The following FBXL17 variants were observed in gnomAD, a reference collection of about 807,000 sequenced individuals.
FBXL17 encodes F-box/LRR-repeat protein 17.
Under a neutral mutation model 66.2 loss-of-function variants are expected in FBXL17, and 22 were observed. The observed-to-expected ratio is 0.33, with a 90% CI of 0.24 to 0.47. The LOEUF (loss-of-function observed/expected upper bound fraction) is 0.47, where lower values mean the gene tolerates loss of function less well. FBXL17 is among the 20% of genes least tolerant of loss of function. The probability of loss-of-function intolerance (pLI) is 1.00; values close to 1 mark genes in which losing one functional copy is unlikely to be tolerated. For synonymous variants in FBXL17, 474 were observed against 400.5 expected (o/e 1.18, Z -2.19); for missense variants, 878 against 948.2 (o/e 0.93, Z 0.97).
At chr5:108,032,903 A>G (rs1017904901) in intron 6 of FBXL17, among the ~76,000 whole-genome samples, 3 of 152,232 alleles carry the variant, frequency 2.0e-5, no homozygotes, top group Non-Finnish European at 4.4e-5. Flanking sequence ...TAACATGTTA[A>G]TGGCAATTAA....
intron 5 of FBXL17, among the ~76,000 whole-genome samples, chr5:108,203,602 A>G (rs1407727388): frequency 6.6e-6 from 1 of 152,286 alleles, no homozygotes; most frequent in African/African-American, 2.4e-5. Flanking sequence ...GAATGAATTT[A>G]AGAACATATT....
At chr5:108,045,653 T>C (rs1014141284) in intron 6 of FBXL17, among the ~76,000 whole-genome samples, 8 of 152,296 alleles carry the variant, frequency 5.3e-5, no homozygotes, top group African/African-American at 1.2e-4. Flanking sequence ...AAATTGTATT[T>C]TGTATTTTCA....
At chr5:108,262,086 A>ATTTT (rs1056144916) in intron 4 of FBXL17, among the ~76,000 whole-genome samples, 20 of 142,164 alleles carry the variant, frequency 1.4e-4, no homozygotes, top group East Asian at 1.0e-3. Flanking sequence ...TTATTTATTT[A>ATTTT]TTTTTTTTGA....
At chr5:108,292,694 C>G (rs1326913383) in intron 4 of FBXL17, among the ~76,000 whole-genome samples, 1 of 152,190 alleles carries the variant, frequency 6.6e-6, no homozygotes, top group Admixed American at 6.5e-5. Context: ...TTACATAGCA[C>G]TTAGAACATC....
intron 4 of FBXL17, among the ~76,000 whole-genome samples, chr5:108,282,311 A>G (rs965125883): frequency 1.3e-5 from 2 of 151,700 alleles, no homozygotes; most frequent in Non-Finnish European, 1.5e-5. Flanking sequence ...TCCAAAAAAT[A>G]TACCATGATC....
intron 6 of FBXL17, among the ~76,000 whole-genome samples, chr5:108,128,778 C>T (rs1234530718): frequency 1.3e-5 from 2 of 152,038 alleles, no homozygotes; most frequent in East Asian, 3.9e-4. Flanking sequence ...AACTGGGAAA[C>T]ACCAGGGAGT....
chr5:108,329,179 T>C (rs1014944113), intron 4 of FBXL17, among the ~76,000 whole-genome samples: 2 of 151,980 alleles, frequency 1.3e-5, no homozygotes, highest in African/African-American at 2.4e-5. Flanking sequence ...AAATAAACCC[T>C]ACAGGAGAAA....
intron 6 of FBXL17, among the ~76,000 whole-genome samples, chr5:108,054,225 A>C (rs1326095345): frequency 6.8e-6 from 1 of 148,066 alleles, no homozygotes; most frequent in Non-Finnish European, 1.5e-5. Context: ...TGTATCCCGG[A>C]ACGTAAAGTA....
intron 6 of FBXL17, among the ~76,000 whole-genome samples, chr5:108,104,733 T>C (rs1377493867): frequency 6.6e-6 from 1 of 152,246 alleles, no homozygotes; most frequent in Non-Finnish European, 1.5e-5. Flanking sequence ...CAACAACATA[T>C]ATGGGATATT....
At chr5:108,131,351 A>G (rs74532042) in intron 6 of FBXL17, among the ~76,000 whole-genome samples, 1,996 of 152,280 alleles carry the variant, frequency 0.013, 41 homozygotes, top group African/African-American at 0.044. Context: ...CAACCAGCCC[A>G]AGAATTCAGT....
intron 4 of FBXL17, among the ~76,000 whole-genome samples, chr5:108,231,483 G>A (rs952256169): frequency 1.3e-5 from 2 of 152,056 alleles, no homozygotes; most frequent in Admixed American, 6.6e-5. Context: ...ATCCATGTTA[G>A]TCCATGTATC....
At chr5:108,302,100 A>G in intron 4 of FBXL17, 2 of 846,796 alleles carry the variant, frequency 2.4e-6, no homozygotes, top group Non-Finnish European at 2.8e-6. Flanking sequence ...TCAATAAAGT[A>G]ATTGGTCAAG....
At chr5:107,944,308 T>A (rs1333948621) in intron 7 of FBXL17, among the ~76,000 whole-genome samples, 1 of 152,226 alleles carries the variant, frequency 6.6e-6, no homozygotes, top group Non-Finnish European at 1.5e-5. Context: ...TAATGGTAGG[T>A]TTTATGCCCT....
chr5:108,069,563 C>G (rs1358848883), intron 6 of FBXL17, among the ~76,000 whole-genome samples: 1 of 152,088 alleles, frequency 6.6e-6, no homozygotes, highest in Non-Finnish European at 1.5e-5. Flanking sequence ...GAAGAAGTCA[C>G]AAAGGAAATT....
intron 7 of FBXL17, among the ~76,000 whole-genome samples, chr5:107,945,036 T>C (rs1441489690): frequency 6.6e-6 from 1 of 151,416 alleles, no homozygotes; most frequent in Non-Finnish European, 1.5e-5. Flanking sequence ...AAGATTAGCA[T>C]CCAGACTGTC....
chr5:108,300,358 G>C (rs1758532759), intron 4 of FBXL17, among the ~76,000 whole-genome samples: 1 of 151,814 alleles, frequency 6.6e-6, no homozygotes, highest in Admixed American at 6.6e-5. Context: ...TTAGTTCAAA[G>C]TGGCCCAATT....
At chr5:108,323,110 A>G (rs553746727) in intron 4 of FBXL17, among the ~76,000 whole-genome samples, 1 of 152,030 alleles carries the variant, frequency 6.6e-6, no homozygotes, top group East Asian at 1.9e-4. Context: ...CAGAGAAATT[A>G]GAGGGGAAAA....
At chr5:107,978,554 T>C (rs1370015147) in intron 7 of FBXL17, among the ~76,000 whole-genome samples, 1 of 152,184 alleles carries the variant, frequency 6.6e-6, no homozygotes, top group Non-Finnish European at 1.5e-5. Flanking sequence ...TTTTTCAGAC[T>C]TTTACATTTC....
intron 5 of FBXL17, among the ~76,000 whole-genome samples, chr5:108,216,583 T>C (rs1050554466): frequency 6.6e-6 from 1 of 152,162 alleles, no homozygotes; most frequent in Non-Finnish European, 1.5e-5. Flanking sequence ...AGCATGATGT[T>C]TTGATATAAG....
Sources: gnomAD v4.1 joint callset for allele counts (sites outside exome capture counted in the v4.1 genomes callset) on GRCh38, gnomAD v4.1.1 for gene constraint, MANE v1.5 for transcripts, NCBI Gene and HGNC (gene_info 2026-07-23, HGNC 2026-07-21) for gene names.